APBA2: variants seen among roughly 807,000 people sequenced by gnomAD.
APBA2 encodes the protein amyloid-beta A4 precursor protein-binding family A member 2.
A neutral mutation model predicts 75.0 loss-of-function variants in APBA2; 30 were observed. The observed-to-expected ratio is 0.40, with a 90% CI of 0.30 to 0.54. APBA2 has a LOEUF of 0.54. APBA2 is among the 20% of genes least tolerant of loss of function. The probability of loss-of-function intolerance (pLI) is 0.49; values close to 1 mark genes in which losing one functional copy is unlikely to be tolerated. For missense variants in APBA2, 801 were observed against 1,016.1 expected (o/e 0.79, Z 2.88); for synonymous variants, 444 against 409.6 (o/e 1.08, Z -1.01).
intron 2 of APBA2, among the ~76,000 whole-genome samples, chr15:28,923,071 C>T (rs1273729060): frequency 6.6e-6 from 1 of 152,222 alleles, no homozygotes; most frequent in Non-Finnish European, 1.5e-5. Context: ...ACCACCCATC[C>T]TTGTCCCCTT....
chr15:28,908,545 G>A (rs1338882078), intron 1 of APBA2, among the ~76,000 whole-genome samples: 6 of 151,946 alleles, frequency 3.9e-5, no homozygotes, highest in African/African-American at 7.3e-5. Flanking sequence ...TCCTGACCTC[G>A]TGATCCACCC....
chr15:28,990,615 A>G (rs1444816352), intron 2 of APBA2: 1 of 152,192 alleles, frequency 6.6e-6, no homozygotes, highest in Non-Finnish European at 1.5e-5. Flanking sequence ...GATACTCTAT[A>G]TCTGCACTCC....
intron 3 of APBA2, among the ~76,000 whole-genome samples, chr15:29,030,706 G>C (rs2152843715): frequency 6.6e-6 from 1 of 150,650 alleles, no homozygotes; most frequent in Non-Finnish European, 1.5e-5. Flanking sequence ...TACATAGGCA[G>C]TTTTGGTTAA....
chr15:29,083,629 C>A (rs1313503116), intron 6 of APBA2, among the ~76,000 whole-genome samples: 1 of 152,146 alleles, frequency 6.6e-6, no homozygotes, highest in Non-Finnish European at 1.5e-5. Flanking sequence ...CTTCTGGGTT[C>A]AAGCGATTCT....
chr15:29,094,445 G>C, intron 8 of APBA2, 132 bp downstream of exon 8: 1 of 850,942 alleles, frequency 1.2e-6, no homozygotes, highest in Non-Finnish European at 2.0e-6. Flanking sequence ...CTCTTCCCTT[G>C]GTAGGTGAAT....
intron 5 of APBA2, 43 bp from the exon 6 acceptor site, chr15:29,076,012 T>G (rs1264394212): frequency 1.3e-6 from 2 of 1,588,928 alleles, no homozygotes; most frequent in Non-Finnish European, 1.7e-6. Context: ...GGCTACCTAC[T>G]TAACAATTGT....
rs887930105 is a variant in APBA2, at chr15:29,105,371, C to T, written c.1525-8C>T. ...TGCCTGTCTCCAGCTGGCCTGCCCTCTGCACAGGCCCAGCTCATCGCCCAG... is the reference window on the plus strand; with the variant it reads ...TGCCTGTCTCCAGCTGGCCTGCCCTTTGCACAGGCCCAGCTCATCGCCCAG... On this transcript the variant is annotated splice_region_variant and splice_polypyrimidine_tract_variant and intron_variant, in intron 10 of 14. Transcript: ENST00000683413. 6.2e-7 allele frequency: 1 copy of T among 1,609,620 alleles called. No individual in the cohort carries two copies. The highest frequency in any genetic ancestry group is 1.3e-5 in the African/African-American group (1 of 75,046).
chr15:29,055,213 G>A (rs900240659), intron 4 of APBA2, among the ~76,000 whole-genome samples: 3 of 152,190 alleles, frequency 2.0e-5, no homozygotes, highest in Non-Finnish European at 2.9e-5. Flanking sequence ...GACCAGCAGG[G>A]CAGTGGCAAA....
chr15:29,023,296 G>A (rs1268245838), intron 3 of APBA2, among the ~76,000 whole-genome samples: 8 of 152,040 alleles, frequency 5.3e-5, no homozygotes, highest in South Asian at 2.1e-4. Context: ...CTTTTATGGC[G>A]TCACTATAAA....
In APBA2 at chr15:29,117,176, C is replaced by A; in HGVS notation, c.*43C>A. The A allele has an allele frequency of 6.3e-7, 1 of 1,590,848 alleles. No individual in the cohort carries two copies. The highest frequency in any genetic ancestry group is 8.6e-7 in the Non-Finnish European group (1 of 1,160,340). On this transcript the variant is annotated 3_prime_UTR_variant, in exon 15 of 15. Transcript: ENST00000683413. ...ACGCAGCCAGGACACCGGGCAGGGC[C>A]GCCCGGGCCCAGAGGAGCTGGGAGC...
intron 3 of APBA2, among the ~76,000 whole-genome samples, chr15:29,051,903 G>T (rs1450187277): frequency 2.0e-5 from 3 of 152,030 alleles, no homozygotes; most frequent in Non-Finnish European, 4.4e-5. Context: ...TGCCACCTAA[G>T]GTCCTCACTG....
chr15:29,052,454 C>CAAAAAA (rs61521872), intron 3 of APBA2, among the ~76,000 whole-genome samples: 1 of 103,192 alleles, frequency 9.7e-6, no homozygotes, highest in Non-Finnish European at 1.8e-5. Context: ...GACTCCATCT[C>CAAAAAA]AAAAAAAAAA....
At chr15:28,916,276 G>A (rs1185065754) in intron 1 of APBA2, among the ~76,000 whole-genome samples, 1 of 152,164 alleles carries the variant, frequency 6.6e-6, no homozygotes, top group Non-Finnish European at 1.5e-5. Flanking sequence ...GATGCCCAGA[G>A]TGGCGGCCCG....
intron 2 of APBA2, among the ~76,000 whole-genome samples, chr15:28,993,275 C>G (rs1330758615): frequency 6.6e-6 from 1 of 152,154 alleles, no homozygotes; most frequent in African/African-American, 2.4e-5. Context: ...ATAGGTCACT[C>G]GAATCACACA....
chr15:28,958,971 GCTCTT>G (rs773104334), intron 2 of APBA2, among the ~76,000 whole-genome samples: 2 of 151,872 alleles, frequency 1.3e-5, no homozygotes, highest in African/African-American at 2.4e-5. Context: ...CTTCTATAGG[GCTCTT>G]CTCTTCTCTT....
chr15:28,984,460 C>T (rs977737895), intron 2 of APBA2, among the ~76,000 whole-genome samples: 1 of 152,042 alleles, frequency 6.6e-6, no homozygotes, highest in Non-Finnish European at 1.5e-5. Flanking sequence ...ATACTGCCAC[C>T]CAGTTCTGAG....
chr15:29,087,386 C>T (rs1348003974), intron 6 of APBA2, among the ~76,000 whole-genome samples: 1 of 152,208 alleles, frequency 6.6e-6, no homozygotes, highest in African/African-American at 2.4e-5. Context: ...TTCCCTGACT[C>T]TCTGTTGTGG....
At chr15:28,940,356 C>CA (rs398043111) in intron 2 of APBA2, among the ~76,000 whole-genome samples, 1,035 of 38,428 alleles carry the variant, frequency 0.027, 64 homozygotes, top group Non-Finnish European at 0.05. Flanking sequence ...ACTAAAAATA[C>CA]AAAAAAAAAA....
At position 28,965,912 on chromosome 15, in the gene APBA2, C is replaced by T. The variant is rs141601153; in HGVS notation, c.-94-29841C>T. On this transcript the variant is annotated intron_variant, in intron 2 of 14. Coordinates refer to ENST00000683413, the MANE Select transcript of APBA2 (RefSeq NM_001353788.2). Reference sequence around the variant, plus strand: ...GGTATGTCGTGTTGTCATTTTAGTGCAGTTCTATATAGTTTAAAATTTCCC... The same window carrying T: ...GGTATGTCGTGTTGTCATTTTAGTGTAGTTCTATATAGTTTAAAATTTCCC... Among the ~76,000 whole-genome samples the T allele has an allele frequency of 6.6e-5, 10 of 152,222 alleles. No individual in the cohort carries two copies. The East Asian group carries it at 1.9e-3, about 29-fold the overall frequency.
Sources: allele counts gnomAD v4.1 joint callset (sites outside exome capture counted in the v4.1 genomes callset), GRCh38; gene constraint gnomAD v4.1.1; transcripts MANE v1.5; gene names NCBI Gene and HGNC (gene_info 2026-07-23, HGNC 2026-07-21).